Variants in TBC1D32 observed in about 807,000 individuals in gnomAD.
TBC1D32 encodes the protein protein broad-minded.
Under a neutral mutation model 170.3 loss-of-function variants are expected in TBC1D32, and 151 were observed. The ratio of observed to expected loss-of-function variants is 0.89; its 90% CI spans 0.78 to 1.01. The LOEUF (loss-of-function observed/expected upper bound fraction) is 1.01. Ranked by LOEUF, TBC1D32 falls within the 50% of genes least tolerant of loss-of-function variation. The pLI is 0.00. For missense variants in TBC1D32, 1,464 were observed against 1,457.1 expected (o/e 1.00, Z -0.08); for synonymous variants, 498 against 488.0 (o/e 1.02, Z -0.27).
Position 121,303,708 on chromosome 6 carries a change from T to C in TBC1D32, c.989A>G (p.Asn330Ser), listed in dbSNP as rs764718810. The change falls in exon 9 of 32, where the codon AAT (asparagine) becomes AGT (serine). Residue 330 changes from asparagine (N) to serine (S), a missense_variant. Asn to Ser is a conservative substitution (Grantham distance 46). Coordinates refer to ENST00000398212, the MANE Select transcript of TBC1D32 (RefSeq NM_152730.6). ...STLSLLTVKHNQSHVVSQKIL... is the reference protein window; with the variant it reads ...STLSLLTVKHSQSHVVSQKIL... ...CTTTTGTGAGACAACATGGCTTTGA[T>C]TATGTTTAACTGTTAACAAGGACAA... 14 of 1,596,734 alleles carry C rather than the reference T, an allele frequency of 8.8e-6. No individual in the cohort carries two copies. The African/African-American group carries it at 1.9e-4, about 21-fold the overall frequency.
At chr6:121,288,576 A>G (rs995792413) in intron 12 of TBC1D32, among the ~76,000 whole-genome samples, 12 of 152,202 alleles carry the variant, frequency 7.9e-5, no homozygotes, top group Non-Finnish European at 1.5e-4. Flanking sequence ...CCAGAGGTAC[A>G]AGGAGGAGCT....
chr6:121,113,238 T>A, intron 27 of TBC1D32, 61 bp from the exon 28 acceptor site: 1 of 1,109,110 alleles, frequency 9.0e-7, no homozygotes, highest in Non-Finnish European at 1.3e-6. Flanking sequence ...GTTTTAAAAT[T>A]ACTTCTTTTA....
chr6:121,169,178 G>C (rs1786591448), intron 22 of TBC1D32, among the ~76,000 whole-genome samples: 1 of 152,076 alleles, frequency 6.6e-6, no homozygotes, highest in Non-Finnish European at 1.5e-5. Context: ...ATACTACAAG[G>C]CTACACTAAC....
intron 26 of TBC1D32, among the ~76,000 whole-genome samples, chr6:121,116,127 G>A (rs771048528): frequency 2.0e-5 from 3 of 151,362 alleles, no homozygotes; most frequent in African/African-American, 4.9e-5. Context: ...TAGTTATCTA[G>A]TGGTAGAGAA....
intron 21 of TBC1D32, among the ~76,000 whole-genome samples, chr6:121,213,707 G>C (rs1453360570): frequency 6.6e-6 from 1 of 152,038 alleles, no homozygotes; most frequent in Admixed American, 6.5e-5. Context: ...TCATTACGAT[G>C]GGCATACTGC....
intron 29 of TBC1D32, among the ~76,000 whole-genome samples, 169 bp from the exon 30 acceptor site, chr6:121,106,332 T>G (rs1047767446): frequency 2.6e-5 from 4 of 151,872 alleles, no homozygotes; most frequent in Non-Finnish European, 4.4e-5. Flanking sequence ...AAGTAAAAAG[T>G]CAGAATGTTA....
chr6:121,101,142 G>C (rs537956380), intron 30 of TBC1D32, among the ~76,000 whole-genome samples: 3 of 151,968 alleles, frequency 2.0e-5, no homozygotes, highest in East Asian at 3.9e-4. Flanking sequence ...ATTCACAGCC[G>C]AATTCTACCA....
At chr6:121,242,948 C>G (rs1296004788) in intron 17 of TBC1D32, among the ~76,000 whole-genome samples, 1 of 151,926 alleles carries the variant, frequency 6.6e-6, no homozygotes, top group Non-Finnish European at 1.5e-5. Flanking sequence ...ACCCATGTTG[C>G]ATTTGAAAAC....
chr6:121,311,691 C>G (rs920814503), intron 3 of TBC1D32, among the ~76,000 whole-genome samples: 1 of 149,660 alleles, frequency 6.7e-6, no homozygotes, highest in Non-Finnish European at 1.5e-5. Flanking sequence ...CATGCCACTG[C>G]ACTCCAGCCT....
At chr6:121,195,904 G>C (rs1260725455) in intron 22 of TBC1D32, among the ~76,000 whole-genome samples, 2 of 152,228 alleles carry the variant, frequency 1.3e-5, no homozygotes, top group Non-Finnish European at 2.9e-5. Context: ...TTGCATGGAA[G>C]GAGAAATGGC....
intron 9 of TBC1D32, among the ~76,000 whole-genome samples, chr6:121,299,935 T>G (rs1269989424): frequency 1.3e-5 from 2 of 152,156 alleles, no homozygotes; most frequent in African/African-American, 4.8e-5. Context: ...TGCTCCAAAG[T>G]GACAGTACCC....
intron 3 of TBC1D32, among the ~76,000 whole-genome samples, chr6:121,313,596 A>G (rs1399253122): frequency 6.6e-6 from 1 of 152,118 alleles, no homozygotes; most frequent in Non-Finnish European, 1.5e-5. Context: ...CATCTTTTAA[A>G]AATCCTAGCT....
At chr6:121,260,164 C>G (rs563704460) in intron 15 of TBC1D32, among the ~76,000 whole-genome samples, 1 of 152,238 alleles carries the variant, frequency 6.6e-6, no homozygotes, top group Admixed American at 6.5e-5. Context: ...CCACAAATTA[C>G]AAGTCCCACT....
In TBC1D32 at chr6:121,203,729, T is replaced by C. The variant is rs187484614; in HGVS notation, c.2570+1346A>G. Among the ~76,000 whole-genome samples, 12 of 151,482 alleles carry C rather than the reference T, an allele frequency of 7.9e-5. No homozygotes were observed. In the East Asian group the frequency reaches 2.3e-3, roughly 29 times the overall value. On this transcript the variant is annotated intron_variant, in intron 22 of 31. Coordinates refer to ENST00000398212, the MANE Select transcript of TBC1D32 (RefSeq NM_152730.6). ...AACCAGTAAAGAGCAGGCAGTTTGA[T>C]CACAACGTCCATGTTGCTAACCACC...
At chr6:121,217,552 C>T (rs1793986172) in intron 21 of TBC1D32, among the ~76,000 whole-genome samples, 1 of 152,160 alleles carries the variant, frequency 6.6e-6, no homozygotes, top group African/African-American at 2.4e-5. Context: ...AACAGAAAAT[C>T]AAATACCACA....
intron 1 of TBC1D32, among the ~76,000 whole-genome samples, chr6:121,327,550 C>T (rs1810611855): frequency 6.6e-6 from 1 of 152,162 alleles, no homozygotes; most frequent in African/African-American, 2.4e-5. Flanking sequence ...GGCCCTTATA[C>T]TTATCCCAGG....
intron 25 of TBC1D32, among the ~76,000 whole-genome samples, chr6:121,130,341 G>A (rs1398476580): frequency 6.6e-6 from 1 of 152,008 alleles, no homozygotes; most frequent in Non-Finnish European, 1.5e-5. Context: ...AATTAACTAG[G>A]TGTCGTGACA....
intron 1 of TBC1D32, among the ~76,000 whole-genome samples, chr6:121,331,118 C>T (rs562177607): frequency 6.6e-6 from 1 of 152,344 alleles, no homozygotes; most frequent in East Asian, 1.9e-4. Context: ...CCTGAAATTA[C>T]ATTAACTGTC....
At chr6:121,247,159 G>T (rs1006481756) in intron 17 of TBC1D32, among the ~76,000 whole-genome samples, 1 of 152,036 alleles carries the variant, frequency 6.6e-6, no homozygotes, top group Admixed American at 6.6e-5. Flanking sequence ...AGGAACTGGG[G>T]TCTTATTTAT....
Sources: gnomAD v4.1 joint callset for allele counts (sites outside exome capture counted in the v4.1 genomes callset) on GRCh38, gnomAD v4.1.1 for gene constraint, MANE v1.5 for transcripts, NCBI Gene and HGNC (gene_info 2026-07-23, HGNC 2026-07-21) for gene names.